Variants in HDAC9 observed in about 807,000 individuals in gnomAD.
HDAC9 encodes histone deacetylase 9, also known as MEF-2 interacting transcription repressor (MITR) protein.
Under a neutral mutation model 139.4 loss-of-function variants are expected in HDAC9, and 41 were observed. That is an observed-to-expected ratio of 0.29 (90% CI 0.23 to 0.38). The LOEUF is 0.38. Among genes scored for constraint, HDAC9 ranks in the 10% least tolerant of loss-of-function variants. The probability of loss-of-function intolerance (pLI) is 1.00; values close to 1 mark genes in which losing one functional copy is unlikely to be tolerated. For synonymous variants in HDAC9, 517 were observed against 476.2 expected (o/e 1.09, Z -1.12); for missense variants, 1,147 against 1,297.0 (o/e 0.88, Z 1.78).
chr7:18,883,168 T>A lies in HDAC9; in HGVS notation c.2803+8572T>A, dbSNP rs536151591. On this transcript the variant is annotated intron_variant, in intron 22 of 25. Transcript: ENST00000686413. ...ATTGAGGTATGTTCTGCTCTTAACATTATGAATATGCCAATGCAGAATAAA... is the reference window on the plus strand; with the variant it reads ...ATTGAGGTATGTTCTGCTCTTAACAATATGAATATGCCAATGCAGAATAAA... 5.9e-5 allele frequency among the ~76,000 whole-genome samples: 9 copies of A among 152,284 alleles called. No individual in the cohort carries two copies. The East Asian group carries it at 1.5e-3, about 26-fold the overall frequency.
chr7:18,439,271 T>C (rs2128090025), intron 1 of HDAC9, among the ~76,000 whole-genome samples: 1 of 152,354 alleles, frequency 6.6e-6, no homozygotes, highest in East Asian at 1.9e-4. Context: ...GCTTTTTTCT[T>C]CATCTCTTTT....
intron 22 of HDAC9, among the ~76,000 whole-genome samples, chr7:18,891,432 CTGT>C (rs1800671393): frequency 6.6e-6 from 1 of 152,108 alleles, no homozygotes; most frequent in African/African-American, 2.4e-5. Flanking sequence ...AGAACTTTTC[CTGT>C]TGTTTTACTC....
At chr7:18,464,610 T>C (rs1794115314) in intron 1 of HDAC9, among the ~76,000 whole-genome samples, 1 of 152,016 alleles carries the variant, frequency 6.6e-6, no homozygotes. Context: ...TTGTTTGAAA[T>C]TAACAAGTCA....
rs140772865 is a variant in HDAC9, at chr7:18,594,062, T to C, written c.664+33T>C. The stretch of plus-strand genomic sequence containing the variant: ...GGTTTAACAGGAACTCTGTTTGCTC[T>C]TCTGTAACACACCTGTAAGTTTCAT... On this transcript the variant is annotated intron_variant, in intron 6 of 25. Coordinates refer to ENST00000686413, the MANE Select transcript of HDAC9 (RefSeq NM_178425.4). The C allele has an allele frequency of 2.9e-3, 4,653 of 1,609,712 alleles. 83 individuals are homozygous for C. The African/African-American group carries it at 0.044, about 15-fold the overall frequency.
intron 3 of HDAC9, among the ~76,000 whole-genome samples, chr7:18,585,741 T>A (rs1829276085): frequency 6.6e-6 from 1 of 152,152 alleles, no homozygotes; most frequent in South Asian, 2.1e-4. Context: ...CTTTAGCACA[T>A]AGAATCAATA....
At chr7:18,245,639 C>T (rs1352897646) in intron 2 of HDAC9, among the ~76,000 whole-genome samples, 1 of 152,156 alleles carries the variant, frequency 6.6e-6, no homozygotes, top group Non-Finnish European at 1.5e-5. Context: ...TTCAATGTTA[C>T]TTTTTGGGAG....
chr7:18,793,203 A>G, intron 16 of HDAC9, 142 bp from the exon 17 acceptor site: 2 of 655,176 alleles, frequency 3.1e-6, no homozygotes, highest in East Asian at 2.7e-5. Flanking sequence ...ATAGGCTGTT[A>G]CCCTGCCAGC....
At position 18,396,656 on chromosome 7, in the gene HDAC9, C is replaced by T. The variant is rs889949803; in HGVS notation, c.-41-99606C>T. On this transcript the variant is annotated intron_variant, in intron 1 of 3. Transcript: ENST00000413509. ...TTGTCACTGTTAAGAGACAATGCCC[C>T]TAAGTTTCACACTCCTTTACGCAGA... Among the ~76,000 whole-genome samples, 2 of 152,118 alleles carry T rather than the reference C, an allele frequency of 1.3e-5. 1 individual carries two copies. Among genetic ancestry groups the T allele is most frequent in the Admixed American group, 1.3e-4 (2 of 15,270 alleles).
chr7:18,898,668 GATC>G (rs1801430204), intron 22 of HDAC9, among the ~76,000 whole-genome samples: 1 of 151,790 alleles, frequency 6.6e-6, no homozygotes. Context: ...TCTATCCATT[GATC>G]ATCAGTCTGC....
chr7:18,481,338 G>A (rs1340488730), intron 1 of HDAC9, among the ~76,000 whole-genome samples: 1 of 152,088 alleles, frequency 6.6e-6, no homozygotes, highest in East Asian at 1.9e-4. Context: ...AATTTTCTCT[G>A]GAACGCAATT....
intron 1 of HDAC9, among the ~76,000 whole-genome samples, chr7:18,435,916 A>G (rs1791155236): frequency 6.7e-6 from 1 of 148,158 alleles, no homozygotes; most frequent in Non-Finnish European, 1.5e-5. Context: ...TATATAATAT[A>G]TAAAGAGAGA....
intron 1 of HDAC9, chr7:18,327,337 C>G (rs1379437323): frequency 6.6e-6 from 1 of 151,406 alleles, no homozygotes; most frequent in African/African-American, 2.4e-5. Flanking sequence ...GATATAATGG[C>G]CAGAAGATGT....
At chr7:18,660,356 G>A (rs1015379531) in intron 11 of HDAC9, among the ~76,000 whole-genome samples, 36 of 152,240 alleles carry the variant, frequency 2.4e-4, no homozygotes, top group African/African-American at 8.4e-4. Flanking sequence ...TCTTTACAAA[G>A]AGCATATTTT....
intron 1 of HDAC9, among the ~76,000 whole-genome samples, chr7:18,480,320 C>T (rs965692190): frequency 2.0e-5 from 3 of 152,184 alleles, no homozygotes; most frequent in Non-Finnish European, 2.9e-5. Context: ...AGATTGAGTC[C>T]GAATCTATGT....
At position 18,396,264 on chromosome 7, in the gene HDAC9, C is replaced by A. The variant is rs542174469; in HGVS notation, c.-41-99998C>A. Among the ~76,000 whole-genome samples the A allele has an allele frequency of 2.6e-5, 4 of 152,198 alleles. No individual in the cohort carries two copies. In the East Asian group the frequency reaches 7.7e-4, roughly 29 times the overall value. On this transcript the variant is annotated intron_variant, in intron 1 of 3. Transcript: ENST00000413509. ...ATGTGAATAAGAAACACAAACTCCCCACTCATACAGAATTTACATTTTAGT... is the reference window on the plus strand; with the variant it reads ...ATGTGAATAAGAAACACAAACTCCCAACTCATACAGAATTTACATTTTAGT...
At chr7:18,593,316 T>G (rs761330813) in intron 5 of HDAC9, among the ~76,000 whole-genome samples, 18 of 152,026 alleles carry the variant, frequency 1.2e-4, no homozygotes, top group Non-Finnish European at 2.2e-4. Flanking sequence ...TTGCATCTCT[T>G]AGATTGTATT....
At chr7:18,478,195 C>T (rs949483249) in intron 1 of HDAC9, among the ~76,000 whole-genome samples, 1 of 152,152 alleles carries the variant, frequency 6.6e-6, no homozygotes, top group Non-Finnish European at 1.5e-5. Context: ...CCTCAGCCTC[C>T]CGAGTAGCTG....
intron 1 of HDAC9, chr7:18,458,718 A>T (rs1207860022): frequency 1.7e-6 from 1 of 571,696 alleles, no homozygotes; most frequent in East Asian, 2.9e-5. Flanking sequence ...TTAATAAATG[A>T]TAAGCTGTAG....
rs1786694369 is a variant in HDAC9 at position 19,000,413 on chromosome 7, A to G, written c.*4351A>G. ...CATGAAACGCTTCATGAAGCAGAGC[A>G]TGATTGTCAAGTGACCAGAGGATGA... On this transcript the variant is annotated 3_prime_UTR_variant, in exon 26 of 26. Coordinates refer to ENST00000686413, the MANE Select transcript of HDAC9 (RefSeq NM_178425.4). The G allele has an allele frequency of 1.3e-5, 2 of 152,234 alleles. No homozygotes were observed. The highest frequency in any genetic ancestry group is 2.9e-5 in the Non-Finnish European group (2 of 68,034). The allele number at this position is 152,234 out of a possible 1,614,324, so 9.4% of individuals were successfully genotyped here. A position where few individuals can be genotyped will look rare whatever the true frequency, so the allele number is the denominator to read the frequency against.
Sources: allele counts gnomAD v4.1 joint callset (sites outside exome capture counted in the v4.1 genomes callset), GRCh38; gene constraint gnomAD v4.1.1; transcripts MANE v1.5; gene names NCBI Gene and HGNC (gene_info 2026-07-23, HGNC 2026-07-21).